ITSN2: variants seen among roughly 807,000 people sequenced by gnomAD.
ITSN2 encodes intersectin-2.
A neutral mutation model predicts 243.7 loss-of-function variants in ITSN2; 156 were observed. The ratio of observed to expected loss-of-function variants is 0.64; its 90% CI spans 0.56 to 0.73. ITSN2 has a LOEUF of 0.73. ITSN2 is among the 30% of genes least tolerant of loss of function. The pLI, the probability that ITSN2 is intolerant of heterozygous loss-of-function variation, is 0.00. For synonymous variants in ITSN2, 703 were observed against 699.9 expected, an observed-to-expected ratio of 1.00 and a Z score of -0.07; for missense variants, 1,801 against 1,996.1, an observed-to-expected ratio of 0.90 and a Z score of 1.86.
intron 1 of ITSN2, among the ~76,000 whole-genome samples, chr2:24,337,117 G>C (rs1273761038): frequency 6.7e-6 from 1 of 148,418 alleles, no homozygotes; most frequent in Non-Finnish European, 1.5e-5. Context: ...ATTGACTTCT[G>C]AAGGTTTTTT....
intron 1 of ITSN2, among the ~76,000 whole-genome samples, chr2:24,354,609 C>G (rs908754390): frequency 6.6e-6 from 1 of 152,176 alleles, no homozygotes. Flanking sequence ...CATAAGGAAA[C>G]AGAAGCTGAA....
chr2:24,207,032 G>A (rs544854325), intron 37 of ITSN2, among the ~76,000 whole-genome samples: 1 of 152,300 alleles, frequency 6.6e-6, no homozygotes, highest in Non-Finnish European at 1.5e-5. Flanking sequence ...GCACAGGAAA[G>A]AGCTAGGGAT....
chr2:24,273,056 C>T (rs1227234709), intron 18 of ITSN2, among the ~76,000 whole-genome samples: 1 of 152,234 alleles, frequency 6.6e-6, no homozygotes, highest in East Asian at 1.9e-4. Context: ...GATTTGTCAG[C>T]ATATATACCC....
intron 2 of ITSN2, among the ~76,000 whole-genome samples, chr2:24,317,681 A>G (rs1009751680): frequency 2.0e-5 from 3 of 152,220 alleles, no homozygotes; most frequent in African/African-American, 7.2e-5. Flanking sequence ...CAAATTGAAA[A>G]CAAATCTCAA....
chr2:24,297,653 C>G (rs1485560190), intron 13 of ITSN2, among the ~76,000 whole-genome samples: 2 of 152,258 alleles, frequency 1.3e-5, no homozygotes, highest in East Asian at 3.9e-4. Context: ...GAGAGAAAAT[C>G]ACTGTTCTGC....
At chr2:24,275,953 T>C (rs1677957551) in intron 17 of ITSN2, 104 bp from the exon 18 acceptor site, 2 of 802,292 alleles carry the variant, frequency 2.5e-6, no homozygotes, top group Non-Finnish European at 3.7e-6. Context: ...CTATAGCAAG[T>C]TGAACTAAAT....
intron 1 of ITSN2, among the ~76,000 whole-genome samples, chr2:24,352,450 A>G (rs1207036946): frequency 1.3e-5 from 2 of 152,214 alleles, no homozygotes; most frequent in African/African-American, 2.4e-5. Flanking sequence ...TCTCACTTTA[A>G]TCAATATTTG....
At position 24,335,075 on chromosome 2, in the gene ITSN2, A is replaced by C. The variant is rs1686218606; in HGVS notation, c.-33-6960T>G. The C allele has an allele frequency of 3.4e-5, 6 of 174,612 alleles. No homozygotes were observed. In the Admixed American group the frequency reaches 3.6e-4, roughly 10 times the overall value. The allele number at this position is 174,612 out of a possible 1,614,324, so 10.8% of individuals were successfully genotyped here. ...GAGACTCCGTCTCAAAAAAAAAAAAAAAAAAAAAAAAAAAAAAAGATGCAA... is the reference window on the plus strand; with the variant it reads ...GAGACTCCGTCTCAAAAAAAAAAAACAAAAAAAAAAAAAAAAAAGATGCAA... On this transcript the variant is annotated intron_variant, in intron 1 of 39. Coordinates refer to ENST00000355123, the MANE Select transcript of ITSN2 (RefSeq NM_006277.3).
intron 1 of ITSN2, among the ~76,000 whole-genome samples, chr2:24,346,075 CCTT>C (rs1161503932): frequency 2.0e-5 from 3 of 152,110 alleles, no homozygotes; most frequent in African/African-American, 7.2e-5. Flanking sequence ...CAGTGTCTAC[CCTT>C]CTTATCTCTA....
At chr2:24,305,966 T>TA (rs1482424712) in intron 8 of ITSN2, among the ~76,000 whole-genome samples, 1 of 152,160 alleles carries the variant, frequency 6.6e-6, no homozygotes, top group African/African-American at 2.4e-5. Context: ...GTACTACTCT[T>TA]AAGTGTGCTG....
chr2:24,271,918 T>C lies in ITSN2; in HGVS notation c.2105A>G (p.Asn702Ser). The C allele has an allele frequency of 6.3e-7, 1 of 1,575,302 alleles. No individual in the cohort carries two copies. The highest frequency in any genetic ancestry group is 1.4e-5 in the African/African-American group (1 of 72,722). ...CTTTCTAAGATTTTCTTTCCATAAG[T>C]TTTCTTTTCCTTGCTTTGCTTTCCT... ...AARKAKQGKE[N>S]LWKENLRKEE... The change falls in exon 19 of 40, where the codon AAC becomes AGC. Residue 702 changes from asparagine (N) to serine (S), a missense_variant. Around this residue, in one of 5 missense-constraint regions of ITSN2, gnomAD observed 787 missense variants for 803.9 expected, o/e 0.98. Coordinates refer to ENST00000355123, the MANE Select transcript of ITSN2 (RefSeq NM_006277.3).
At chr2:24,352,117 T>TA (rs986943179) in intron 1 of ITSN2, among the ~76,000 whole-genome samples, 1 of 152,162 alleles carries the variant, frequency 6.6e-6, no homozygotes, top group Non-Finnish European at 1.5e-5. Flanking sequence ...GGAAAAAACA[T>TA]AGTGTATATA....
rs562811925 is a variant in ITSN2, at chr2:24,214,345, A to G, written c.3991-1597T>C. The G allele has an allele frequency of 3.3e-5, 5 of 152,350 alleles. No homozygotes were observed. In the East Asian group the frequency reaches 5.8e-4, roughly 18 times the overall value. The allele number at this position is 152,350 out of a possible 1,614,324, so 9.4% of individuals were successfully genotyped here. On this transcript the variant is annotated intron_variant, in intron 32 of 39. Transcript: ENST00000355123. ...TTTCCTATGATCTGTAACAGTTTGT[A>G]TAATATAGAATAATCTGTTCCTTTA...
At chr2:24,305,677 G>C (rs1323307590) in intron 8 of ITSN2, among the ~76,000 whole-genome samples, 1 of 151,834 alleles carries the variant, frequency 6.6e-6, no homozygotes, top group African/African-American at 2.4e-5. Context: ...TGTTCTTGGG[G>C]CTCATGCTCA....
rs113637557 is a variant in ITSN2 at position 24,320,525 on chromosome 2, C to CAA, written c.32-5303_32-5302dup. ...TGGGCGACAGAGCGAGACTCCGTCT[C>CAA]AAAAAAAAAAAAAAAAAAAAAAAAA... is the stretch of plus-strand genomic sequence containing the variant. On this transcript the variant is annotated intron_variant, in intron 2 of 39. Transcript: ENST00000355123. 3.9e-4 allele frequency among the ~76,000 whole-genome samples: 16 copies of CAA among 41,520 alleles called. 2 individuals carry two copies. Among genetic ancestry groups the CAA allele is most frequent in the Non-Finnish European group, 4.6e-4 (11 of 24,138 alleles). The allele number at this position is 41,520 out of a possible 152,430, so 27.2% of individuals were successfully genotyped here.
chr2:24,319,768 G>A (rs1438972070), intron 2 of ITSN2, among the ~76,000 whole-genome samples: 1 of 152,184 alleles, frequency 6.6e-6, no homozygotes, highest in Admixed American at 6.5e-5. Context: ...GGTTGCAGGG[G>A]GAATAACTGT....
rs754729292 is a variant in ITSN2 at position 24,209,864 on chromosome 2, T to C, written c.4427A>G (p.Lys1476Arg). ...AGCATTGGACTTCGAGCTGAAAAGT[T>C]TCTCAGAGCCAGAGGAAACAGCAAA... ...KQFAVSSGSE[K>R]LFSSKSNAQF... Residue 1476 changes from lysine to arginine, a missense_variant, in exon 35 of 40, where the codon AAA becomes AGA. Coordinates refer to ENST00000355123, the MANE Select transcript of ITSN2 (RefSeq NM_006277.3). 6.2e-7 allele frequency: 1 copy of C among 1,614,196 alleles called. No homozygotes were observed. The highest frequency in any genetic ancestry group is 1.1e-5 in the South Asian group (1 of 91,090).
intron 37 of ITSN2, among the ~76,000 whole-genome samples, chr2:24,206,718 A>G (rs1668926818): frequency 6.6e-6 from 1 of 152,052 alleles, no homozygotes; most frequent in Non-Finnish European, 1.5e-5. Context: ...TGTGGGAGGG[A>G]GTTGCCTTGA....
intron 1 of ITSN2, among the ~76,000 whole-genome samples, chr2:24,355,567 T>C (rs1217779036): frequency 2.0e-5 from 3 of 152,190 alleles, no homozygotes; most frequent in Non-Finnish European, 4.4e-5. Context: ...CCTTACACCT[T>C]ATACAAAAAT....
Sources: allele counts gnomAD v4.1 joint callset (sites outside exome capture counted in the v4.1 genomes callset), GRCh38; gene constraint gnomAD v4.1.1; regional missense constraint gnomAD v4.1.1; transcripts MANE v1.5; gene names NCBI Gene and HGNC (gene_info 2026-07-23, HGNC 2026-07-21).